The following GNAI3 variants were observed in gnomAD, a reference collection of about 807,000 sequenced individuals.
GNAI3 encodes the protein guanine nucleotide-binding protein G(i) subunit alpha-3.
A neutral mutation model predicts 41.8 loss-of-function variants in GNAI3; 12 were observed. That is an observed-to-expected ratio of 0.29 (90% CI 0.18 to 0.47). GNAI3 has a LOEUF of 0.47. Among genes scored for constraint, GNAI3 ranks in the 20% least tolerant of loss-of-function variants. The pLI, the probability that GNAI3 is intolerant of heterozygous loss-of-function variation, is 1.00. For missense variants in GNAI3, 360 were observed against 429.6 expected (o/e 0.84, Z 1.43); for synonymous variants, 132 against 146.5 (o/e 0.90, Z 0.71).
At position 109,592,188 on chromosome 1, in the gene GNAI3, A is replaced by G. The variant is rs1649189930; in HGVS notation, c.1020A>G (p.Thr340=). 2 of 1,613,418 alleles carry G rather than the reference A, an allele frequency of 1.2e-6. No individual in the cohort carries two copies. The highest frequency in any genetic ancestry group is 2.2e-5 in the East Asian group (1 of 44,870). ...KNVQFVFDAV[T]DVIIKNNLKE... is the part of the protein sequence containing the mutation. ...TGCAGTTTGTTTTTGATGCTGTTAC[A>G]GATGTCATCATTAAAAACAACTTAA... Residue 340 remains threonine, a synonymous_variant, in exon 8 of 9, where the codon ACA becomes ACG. Transcript: ENST00000369851.
At chr1:109,565,106 C>CA (rs1218021620) in intron 1 of GNAI3, among the ~76,000 whole-genome samples, 6 of 151,574 alleles carry the variant, frequency 4.0e-5, no homozygotes, top group Non-Finnish European at 7.4e-5. Flanking sequence ...ACTAAAACTA[C>CA]AAAAAAAATC....
intron 4 of GNAI3, among the ~76,000 whole-genome samples, chr1:109,581,531 T>C (rs1475739770): frequency 6.6e-6 from 1 of 152,166 alleles, no homozygotes; most frequent in Non-Finnish European, 1.5e-5. Context: ...AATAAGAACA[T>C]TTCCTGTTCC....
intron 1 of GNAI3, among the ~76,000 whole-genome samples, chr1:109,571,027 A>C (rs942924320): frequency 6.6e-6 from 1 of 152,182 alleles, no homozygotes; most frequent in African/African-American, 2.4e-5. Context: ...TGCTTTATTT[A>C]AAAAAATTAA....
chr1:109,564,016 A>T (rs772128213), intron 1 of GNAI3, among the ~76,000 whole-genome samples: 4 of 151,288 alleles, frequency 2.6e-5, no homozygotes, highest in African/African-American at 9.7e-5. Context: ...ATGTCCTTAA[A>T]GCCTATTCCA....
chr1:109,548,930 A>C, intron 1 of GNAI3, 92 bp downstream of exon 1: 2 of 750,044 alleles, frequency 2.7e-6, no homozygotes, highest in Admixed American at 2.3e-5. Context: ...GACGGAAAGG[A>C]CCCTAAAGGG....
intron 7 of GNAI3, among the ~76,000 whole-genome samples, chr1:109,589,469 A>C (rs572316941): frequency 6.6e-6 from 1 of 152,258 alleles, no homozygotes; most frequent in East Asian, 1.9e-4. Context: ...CGTGGGTTTA[A>C]AGGGAAGGGA....
rs113363312 is a variant in GNAI3 at position 109,599,629 on chromosome 1, A to C, written c.*7307A>C. 1 of 152,216 alleles carries C rather than the reference A, an allele frequency of 6.6e-6. No individual in the cohort carries two copies. Among genetic ancestry groups the C allele is most frequent in the Non-Finnish European group, 1.5e-5 (1 of 68,038 alleles). 9.4% of individuals were successfully genotyped at this position (152,216 alleles called of 1,614,324 possible). On this transcript the variant is annotated 3_prime_UTR_variant, in exon 9 of 9. Transcript: ENST00000369851. The stretch of plus-strand genomic sequence containing the variant: ...TAATCATGCTATGCTAGGGAAGTAC[A>C]TTATGGTCTCTCCCTCTAAGAATAT...
chr1:109,568,852 CTTG>C (rs1322845260), intron 1 of GNAI3, among the ~76,000 whole-genome samples: 3 of 135,888 alleles, frequency 2.2e-5, no homozygotes, highest in African/African-American at 6.6e-5. Flanking sequence ...TTGTGTTATT[CTTG>C]TTGTTTGTTT....
chr1:109,586,227 T>C lies in GNAI3; in HGVS notation c.602T>C (p.Val201Ala). The C allele has an allele frequency of 6.2e-7, 1 of 1,613,492 alleles. No homozygotes were observed. The highest frequency in any genetic ancestry group is 1.1e-5 in the South Asian group (1 of 91,044). ...FKDLYFKMFDVGGQRSERKKW... is the reference protein window; with the variant it reads ...FKDLYFKMFDAGGQRSERKKW... Reference sequence around the variant, plus strand: ...TTCCCCTTGCGCAGGATGTTTGATGTAGGTGGCCAAAGATCAGAACGAAAA... The same window carrying C: ...TTCCCCTTGCGCAGGATGTTTGATGCAGGTGGCCAAAGATCAGAACGAAAA... Residue 201 changes from valine to alanine, a missense_variant, in exon 6 of 9, where the codon GTA (valine) becomes GCA (alanine). By Grantham distance (64) the Val-to-Ala change is moderately conservative. Coordinates refer to ENST00000369851, the MANE Select transcript of GNAI3 (RefSeq NM_006496.4).
chr1:109,580,754 T>A (rs1400255465), intron 4 of GNAI3, among the ~76,000 whole-genome samples: 4 of 152,238 alleles, frequency 2.6e-5, no homozygotes, highest in African/African-American at 9.6e-5. Flanking sequence ...GGCTATGATG[T>A]CACTGGGGCT....
chr1:109,562,148 C>T lies in GNAI3; in HGVS notation c.119-11589C>T, dbSNP rs142221474. ...TACATACACAAGATATGTATGCACA[C>T]GTATGGAGTAGGTTCTGCATCTGGA... On this transcript the variant is annotated intron_variant, in intron 1 of 8. Coordinates refer to ENST00000369851, the MANE Select transcript of GNAI3 (RefSeq NM_006496.4). Among the ~76,000 whole-genome samples the T allele has an allele frequency of 1.4e-4, 22 of 152,022 alleles. No homozygotes were observed. The East Asian group carries it at 2.9e-3, about 20-fold the overall frequency.
chr1:109,572,407 TAG>T (rs1648631400), intron 1 of GNAI3, among the ~76,000 whole-genome samples: 1 of 152,192 alleles, frequency 6.6e-6, no homozygotes, highest in African/African-American at 2.4e-5. Context: ...GAAGCCTGCC[TAG>T]TGAAGAAAAT....
At chr1:109,578,482 A>G (rs907563298) in intron 3 of GNAI3, among the ~76,000 whole-genome samples, 1 of 151,398 alleles carries the variant, frequency 6.6e-6, no homozygotes, top group African/African-American at 2.4e-5. Context: ...AAAAAAAAAA[A>G]AAAAAAAAAG....
intron 1 of GNAI3, among the ~76,000 whole-genome samples, chr1:109,560,195 A>G (rs1369674040): frequency 6.6e-6 from 1 of 152,206 alleles, no homozygotes; most frequent in African/African-American, 2.4e-5. Flanking sequence ...TTGATCCATT[A>G]CTAATTGCTG....
intron 1 of GNAI3, among the ~76,000 whole-genome samples, chr1:109,562,742 G>C (rs918953418): frequency 6.6e-6 from 1 of 152,110 alleles, no homozygotes; most frequent in Admixed American, 6.6e-5. Flanking sequence ...CTGTAGAAAC[G>C]TGCCCTATGC....
At chr1:109,557,891 G>A (rs529622363) in intron 1 of GNAI3, among the ~76,000 whole-genome samples, 1 of 152,212 alleles carries the variant, frequency 6.6e-6, no homozygotes, top group East Asian at 1.9e-4. Context: ...TTCAAGGACT[G>A]GAGTAGGTCA....
At chr1:109,563,004 A>G (rs1432184081) in intron 1 of GNAI3, among the ~76,000 whole-genome samples, 1 of 152,202 alleles carries the variant, frequency 6.6e-6, no homozygotes, top group Non-Finnish European at 1.5e-5. Context: ...GTTTTCAGTC[A>G]TGTCATATAT....
intron 3 of GNAI3, among the ~76,000 whole-genome samples, chr1:109,575,069 A>T (rs1364463336): frequency 6.6e-6 from 1 of 152,236 alleles, no homozygotes; most frequent in Admixed American, 6.5e-5. Flanking sequence ...GGATTGTGAA[A>T]TGAGAGACTT....
chr1:109,559,813 C>T (rs1336611292), intron 1 of GNAI3, among the ~76,000 whole-genome samples: 1 of 152,142 alleles, frequency 6.6e-6, no homozygotes, highest in Non-Finnish European at 1.5e-5. Flanking sequence ...CTGTTACCGG[C>T]TTAGTAATCA....
Sources: allele counts gnomAD v4.1 joint callset (sites outside exome capture counted in the v4.1 genomes callset), GRCh38; gene constraint gnomAD v4.1.1; transcripts MANE v1.5; gene names NCBI Gene and HGNC (gene_info 2026-07-23, HGNC 2026-07-21).